GLIPR2: variants seen among roughly 807,000 people sequenced by gnomAD.
GLIPR2 encodes GLI pathogenesis related 2.
A neutral mutation model predicts 20.4 loss-of-function variants in GLIPR2; 21 were observed. That is an observed-to-expected ratio of 1.03 (90% confidence interval 0.73 to 1.48). The LOEUF is 1.48. Ranked by LOEUF, GLIPR2 falls within the 40% of genes most tolerant of loss-of-function variation. The pLI is 0.00. For missense variants in GLIPR2, 205 were observed against 200.1 expected, an observed-to-expected ratio of 1.02 and a Z score of -0.15; for synonymous variants, 91 against 80.5, an observed-to-expected ratio of 1.13 and a Z score of -0.70.
At chr9:36,146,028 T>C (rs994768367) in intron 1 of GLIPR2, 1 of 152,306 alleles carries the variant, frequency 6.6e-6, no homozygotes, top group African/African-American at 2.4e-5. Context: ...AACTCCACTT[T>C]CTTTGCTACA....
At position 36,149,749 on chromosome 9, in the gene GLIPR2, T is replaced by G. The variant is rs1825500453; in HGVS notation, c.226+1099T>G. On this transcript the variant is annotated intron_variant, in intron 3 of 4. Coordinates refer to ENST00000377960, the MANE Select transcript of GLIPR2 (RefSeq NM_022343.4). ...GTGGAGCTTTAAAAAAATACCAGGCTGGGCACAGTAGCTCACGCCTGCAAT... is the reference window on the plus strand; with the variant it reads ...GTGGAGCTTTAAAAAAATACCAGGCGGGGCACAGTAGCTCACGCCTGCAAT... Among the ~76,000 whole-genome samples, 3 of 152,086 alleles carry G rather than the reference T, an allele frequency of 2.0e-5. No individual in the cohort carries two copies. The South Asian group carries it at 6.2e-4, about 31-fold the overall frequency.
rs1824850804 is a variant in GLIPR2, at chr9:36,136,987, G to A, written c.13+196G>A. On this transcript the variant is annotated intron_variant, in intron 1 of 4. Transcript: ENST00000377960. This position sits in a 1 kb window ranked among gnomAD's most constrained non-coding sequence, Gnocchi z 4.3. ...GAAGGCGAGCCCGAGGGAGGCCCCC[G>A]CCGGAGAGCCGGGGATCGCGCCAAG... 3 of 539,868 alleles carry A rather than the reference G, an allele frequency of 5.6e-6. No individual in the cohort carries two copies. The highest frequency in any genetic ancestry group is 8.4e-6 in the Non-Finnish European group (3 of 358,154). The allele number at this position is 539,868 out of a possible 1,614,324, so 33.4% of individuals were successfully genotyped here.
chr9:36,148,486 C>G, intron 2 of GLIPR2, 61 bp from the exon 3 acceptor site: 2 of 1,220,482 alleles, frequency 1.6e-6, no homozygotes, highest in Non-Finnish European at 2.4e-6. Flanking sequence ...TAGCTTGGGG[C>G]ACATACTTTG....
chr9:36,158,423 T>G (rs1825928700), intron 4 of GLIPR2, among the ~76,000 whole-genome samples: 2 of 152,180 alleles, frequency 1.3e-5, no homozygotes, highest in South Asian at 4.1e-4. Context: ...TGGTTGCCCT[T>G]TTTTCTTTCT....
chr9:36,151,942 C>A (rs1255384614), intron 4 of GLIPR2, among the ~76,000 whole-genome samples: 1 of 152,224 alleles, frequency 6.6e-6, no homozygotes, highest in African/African-American at 2.4e-5. Flanking sequence ...TCCTACCCCA[C>A]CTGTTCCACC....
chr9:36,136,670 C>T, upstream of GLIPR2: 2 of 833,078 alleles, frequency 2.4e-6, no homozygotes, highest in Non-Finnish European at 3.2e-6. The surrounding 1 kb of genome is among the most constrained non-coding windows in gnomAD (Gnocchi z 4.3). Context: ...CGGGCGGCGC[C>T]GGAGGAGGGG....
At chr9:36,139,548 G>GC (rs1240554539) in intron 1 of GLIPR2, among the ~76,000 whole-genome samples, 2 of 152,238 alleles carry the variant, frequency 1.3e-5, no homozygotes, top group South Asian at 2.1e-4. Flanking sequence ...TCAGCCCAGG[G>GC]CTGCTGTCTG....
chr9:36,162,559 A>C lies in GLIPR2; in HGVS notation c.*37A>C. 6.2e-7 allele frequency: 1 copy of C among 1,606,182 alleles called. No homozygotes were observed. The highest frequency in any genetic ancestry group is 8.5e-7 in the Non-Finnish European group (1 of 1,175,238). ...TAATGGGAAGGTGGCAGACTTAAGA[A>C]CGTGGATATGAAGTGCCTAGAACCA... On this transcript the variant is annotated 3_prime_UTR_variant, in exon 5 of 5. Transcript: ENST00000377960.
At chr9:36,161,230 G>A (rs1184024391) in intron 4 of GLIPR2, among the ~76,000 whole-genome samples, 1 of 152,006 alleles carries the variant, frequency 6.6e-6, no homozygotes, top group African/African-American at 2.4e-5. Flanking sequence ...GGTTGTTGTG[G>A]GGAAAAGGAA....
chr9:36,161,960 G>T (rs1826071841), intron 4 of GLIPR2, among the ~76,000 whole-genome samples: 1 of 152,200 alleles, frequency 6.6e-6, no homozygotes, highest in South Asian at 2.1e-4. Context: ...TGAGGCAGGT[G>T]GATCGCCTGA....
At chr9:36,136,671 G>C (rs537617099), upstream of GLIPR2, 819 of 837,536 alleles carry the variant, frequency 9.8e-4, 1 homozygote, top group Non-Finnish European at 1.2e-3. The surrounding 1 kb of genome is among the most constrained non-coding windows in gnomAD (Gnocchi z 4.3). Context: ...GGGCGGCGCC[G>C]GAGGAGGGGC....
chr9:36,155,218 A>G (rs1186412304), intron 4 of GLIPR2, among the ~76,000 whole-genome samples: 2 of 152,200 alleles, frequency 1.3e-5, no homozygotes, highest in South Asian at 2.1e-4. Flanking sequence ...TCGTTTTTAT[A>G]TTTGATTATT....
rs1563892283 is a variant in GLIPR2 at position 36,162,855 on chromosome 9, G to T, written c.*333G>T. On this transcript the variant is annotated 3_prime_UTR_variant, in exon 5 of 5. Coordinates refer to ENST00000377960, the MANE Select transcript of GLIPR2 (RefSeq NM_022343.4). ...TTCTTACTTCTAATATCCATCCCTG[G>T]ACTTTTTGTATTCCAAATGTTTGTG... The T allele has an allele frequency of 2.1e-6, 1 of 474,444 alleles. No homozygotes were observed. 29.4% of individuals were successfully genotyped at this position (474,444 alleles called of 1,614,324 possible).
At chr9:36,156,116 A>T (rs531500735) in intron 4 of GLIPR2, among the ~76,000 whole-genome samples, 1 of 152,318 alleles carries the variant, frequency 6.6e-6, no homozygotes, top group East Asian at 1.9e-4. Context: ...AGGCTGAGGC[A>T]CAACAATCGC....
chr9:36,148,521 C>G, intron 2 of GLIPR2, 26 bp from the exon 3 acceptor site: 1 of 1,573,872 alleles, frequency 6.4e-7, no homozygotes, highest in Non-Finnish European at 8.7e-7. Context: ...TGCACCTGCT[C>G]TGAGGAGGCG....
chr9:36,148,902 C>CT lies in GLIPR2; in HGVS notation c.226+255dup, dbSNP rs541438830. Among the ~76,000 whole-genome samples, 160 of 152,340 alleles carry CT rather than the reference C, an allele frequency of 1.1e-3. 1 individual carries two copies. The highest frequency in any genetic ancestry group is 1.7e-3 in the Non-Finnish European group (119 of 68,022). On this transcript the variant is annotated intron_variant, in intron 3 of 4. Transcript: ENST00000377960. Reference sequence around the variant, plus strand: ...ATGAGTCAGACTGACCAGGCCCCCACTTTCGGAGAAGCTCCCAGGCCGAGG... The same window carrying CT: ...ATGAGTCAGACTGACCAGGCCCCCACTTTTCGGAGAAGCTCCCAGGCCGAGG...
At chr9:36,139,936 A>G (rs866702612) in intron 1 of GLIPR2, among the ~76,000 whole-genome samples, 3 of 152,172 alleles carry the variant, frequency 2.0e-5, no homozygotes, top group Non-Finnish European at 4.4e-5. Context: ...CCAATGATTA[A>G]TCTTCAACTG....
At position 36,136,969 on chromosome 9, in the gene GLIPR2, A is replaced by C; in HGVS notation, c.13+178A>C. 3.0e-6 allele frequency: 2 copies of C among 663,060 alleles called. No individual in the cohort carries two copies. Among genetic ancestry groups the C allele is most frequent in the Non-Finnish European group, 4.3e-6 (2 of 470,214 alleles). 41.1% of individuals were successfully genotyped at this position (663,060 alleles called of 1,614,324 possible). A position where few individuals can be genotyped will look rare whatever the true frequency, so the allele number is the denominator to read the frequency against. On this transcript the variant is annotated intron_variant, in intron 1 of 4. Transcript: ENST00000377960. The surrounding 1 kb of genome is among the most constrained non-coding windows in gnomAD (Gnocchi z 4.3). ...TTCCGGGGAACCCGGGGGGAAGGCG[A>C]GCCCGAGGGAGGCCCCCGCCGGAGA...
chr9:36,158,105 G>A (rs1049401131), intron 4 of GLIPR2, among the ~76,000 whole-genome samples: 4 of 152,188 alleles, frequency 2.6e-5, no homozygotes, highest in Non-Finnish European at 5.9e-5. Flanking sequence ...GAGCCACTGC[G>A]CCCGACCGGG....
Sources: allele counts gnomAD v4.1 joint callset (sites outside exome capture counted in the v4.1 genomes callset), GRCh38; gene constraint gnomAD v4.1.1; non-coding constraint Gnocchi (gnomAD v3.1); transcripts MANE v1.5; gene names NCBI Gene and HGNC (gene_info 2026-07-23, HGNC 2026-07-21).